XXYLT1: variants seen among roughly 807,000 people sequenced by gnomAD.
XXYLT1 encodes UDP-xylose:alpha-xyloside alpha-1,3-xylosyltransferase.
Under a neutral mutation model 28.9 loss-of-function variants are expected in XXYLT1, and 20 were observed. That is an observed-to-expected ratio of 0.69 (90% CI 0.49 to 1.00). The LOEUF (loss-of-function observed/expected upper bound fraction) is 1.00. Ranked by LOEUF, XXYLT1 falls within the 50% of genes least tolerant of loss-of-function variation. The pLI, the probability that XXYLT1 is intolerant of heterozygous loss-of-function variation, is 0.00. For missense variants in XXYLT1, 542 were observed against 560.1 expected (o/e 0.97, Z 0.33); for synonymous variants, 257 against 253.8 (o/e 1.01, Z -0.12).
intron 3 of XXYLT1, among the ~76,000 whole-genome samples, chr3:195,087,088 G>A (rs558995508): frequency 4.6e-5 from 7 of 152,294 alleles, no homozygotes; most frequent in African/African-American, 1.7e-4. Flanking sequence ...GCAGGCTGCG[G>A]GGAGCAGTAA....
intron 2 of XXYLT1, chr3:195,184,866 T>A: frequency 1.0e-6 from 1 of 963,422 alleles, no homozygotes; most frequent in African/African-American, 1.8e-5. Context: ...TAAAATGGTC[T>A]ACATTCAAAT....
chr3:195,222,642 T>TGA (rs1194689165), intron 2 of XXYLT1, among the ~76,000 whole-genome samples: 1 of 152,034 alleles, frequency 6.6e-6, no homozygotes, highest in Non-Finnish European at 1.5e-5. Context: ...GCTAGCTAGC[T>TGA]GAGAACAGGG....
At chr3:195,270,528 G>C (rs1725986980) in intron 1 of XXYLT1, 27 bp downstream of exon 1, 2 of 1,362,002 alleles carry the variant, frequency 1.5e-6, no homozygotes, top group Non-Finnish European at 9.4e-7. Context: ...GCCACCCACC[G>C]GGAGCCCCCA....
chr3:195,182,409 T>C (rs1721996539), intron 2 of XXYLT1, among the ~76,000 whole-genome samples: 1 of 152,230 alleles, frequency 6.6e-6, no homozygotes, highest in Non-Finnish European at 1.5e-5. Flanking sequence ...GCTTTTACTA[T>C]ACAAGAGACT....
At chr3:195,242,229 C>T (rs915764908) in intron 1 of XXYLT1, among the ~76,000 whole-genome samples, 4 of 152,234 alleles carry the variant, frequency 2.6e-5, no homozygotes, top group African/African-American at 9.6e-5. Context: ...CTCCCCCGGG[C>T]ATGTCATGTG....
chr3:195,098,490 T>G (rs1716581557), intron 3 of XXYLT1, among the ~76,000 whole-genome samples: 1 of 152,166 alleles, frequency 6.6e-6, no homozygotes, highest in African/African-American at 2.4e-5. Flanking sequence ...GAGGCGGAGC[T>G]TGCAGTGAGC....
intron 1 of XXYLT1, among the ~76,000 whole-genome samples, chr3:195,230,094 A>G (rs1724234880): frequency 6.6e-6 from 1 of 152,200 alleles, no homozygotes; most frequent in African/African-American, 2.4e-5. Flanking sequence ...GTGAGATGAT[A>G]TCTCATTGTA....
intron 3 of XXYLT1, among the ~76,000 whole-genome samples, chr3:195,109,393 CATGTAT>C (rs1717332495): frequency 2.6e-5 from 4 of 151,172 alleles, no homozygotes; most frequent in African/African-American, 7.3e-5. Flanking sequence ...TATAAGTGTG[CATGTAT>C]GTGTGCATGT....
chr3:195,156,048 C>T (rs1720572533), intron 3 of XXYLT1, among the ~76,000 whole-genome samples: 2 of 152,190 alleles, frequency 1.3e-5, no homozygotes, highest in Non-Finnish European at 2.9e-5. Flanking sequence ...ACAAGACCAC[C>T]AATCCACCCA....
chr3:195,166,523 G>T (rs1368910459), intron 2 of XXYLT1, among the ~76,000 whole-genome samples: 3 of 152,154 alleles, frequency 2.0e-5, no homozygotes, highest in Middle Eastern at 3.2e-3. Flanking sequence ...TTCATCCACA[G>T]TCCCATTCAA....
At chr3:195,118,221 G>A (rs555340836) in intron 3 of XXYLT1, among the ~76,000 whole-genome samples, 37 of 152,320 alleles carry the variant, frequency 2.4e-4, no homozygotes, top group Non-Finnish European at 4.3e-4. Context: ...CAGGGATTTT[G>A]ATAAGATGCA....
intron 2 of XXYLT1, among the ~76,000 whole-genome samples, chr3:195,206,056 A>C: frequency 7.6e-6 from 1 of 130,948 alleles, no homozygotes; most frequent in Admixed American, 8.7e-5. Context: ...AGGGAGTCTC[A>C]CTCTGTCACC....
chr3:195,076,243 T>A lies in XXYLT1; in HGVS notation c.786-6132A>T, dbSNP rs1167127900. ...AAGTGAGAAAAGAGGTGACATCTGC[T>A]GAGCAGATGTGCACAGCTTTAATCA... is the stretch of plus-strand genomic sequence containing the variant. On this transcript the variant is annotated intron_variant, in intron 3 of 3. Transcript: ENST00000310380. The surrounding 1 kb of genome is among the most constrained non-coding windows in gnomAD (Gnocchi z 5.3). Among the ~76,000 whole-genome samples the A allele has an allele frequency of 6.6e-6, 1 of 152,146 alleles. No individual in the cohort carries two copies. The highest frequency in any genetic ancestry group is 1.5e-5 in the Non-Finnish European group (1 of 68,030).
chr3:195,115,092 G>A lies in XXYLT1; in HGVS notation c.785+41357C>T, dbSNP rs1431179059. ...CCTCCTCCTATTGAGAGGTTGGAAC[G>A]AGGGAAACTAAGCTTCCCAGATGCC... On this transcript the variant is annotated intron_variant, in intron 3 of 3. Coordinates refer to ENST00000310380, the MANE Select transcript of XXYLT1 (RefSeq NM_152531.5). This position sits in a 1 kb window ranked among gnomAD's most constrained non-coding sequence, Gnocchi z 4.2. Among the ~76,000 whole-genome samples the A allele has an allele frequency of 2.6e-5, 4 of 152,228 alleles. No individual in the cohort carries two copies. In the East Asian group the frequency reaches 5.8e-4, roughly 22 times the overall value.
rs753667251 is a variant in XXYLT1, at chr3:195,226,765, T to C, written c.596A>G (p.Tyr199Cys). 5 of 1,613,466 alleles carry C rather than the reference T, an allele frequency of 3.1e-6. No individual in the cohort carries two copies. The highest frequency in any genetic ancestry group is 4.2e-6 in the Non-Finnish European group (5 of 1,179,904). ...QKHFSAGLGT[Y>C]YSDSIFFLSV... ...GAGGAAGAAGATGGAGTCACTGTAG[T>C]AGGTTCCCAAGCCAGCACTGAAGTG... The change falls in exon 2 of 4, where the codon TAC becomes TGC. Residue 199 changes from tyrosine (Y) to cysteine (C), a missense_variant. Tyr to Cys is a radical substitution (Grantham distance 194). Transcript: ENST00000310380.
In XXYLT1 at chr3:195,176,649, G is replaced by A. The variant is rs1442228559; in HGVS notation, c.653-20068C>T. 6.6e-6 allele frequency among the ~76,000 whole-genome samples: 1 copy of A among 152,184 alleles called. No homozygotes were observed. The highest frequency in any genetic ancestry group is 1.5e-5 in the Non-Finnish European group (1 of 68,032). ...AGATACATTGATGTTGATGAGGCTG[G>A]AGAGCTGGAGGAAGCAAGACAGTAA... On this transcript the variant is annotated intron_variant, in intron 2 of 3. Coordinates refer to ENST00000310380, the MANE Select transcript of XXYLT1 (RefSeq NM_152531.5). The surrounding 1 kb of genome is among the most constrained non-coding windows in gnomAD (Gnocchi z 4.9).
At chr3:195,201,020 A>T (rs1722828689) in intron 2 of XXYLT1, among the ~76,000 whole-genome samples, 1 of 152,060 alleles carries the variant, frequency 6.6e-6, no homozygotes, top group Non-Finnish European at 1.5e-5. Flanking sequence ...GGAGTCAAAA[A>T]TCTCTATTTT....
intron 2 of XXYLT1, among the ~76,000 whole-genome samples, chr3:195,222,898 G>C (rs1464408674): frequency 1.3e-5 from 2 of 152,076 alleles, no homozygotes; most frequent in African/African-American, 4.8e-5. Context: ...TGTTTAAAAA[G>C]CTACATGTTG....
intron 3 of XXYLT1, among the ~76,000 whole-genome samples, chr3:195,096,819 A>G (rs1716473353): frequency 6.6e-6 from 1 of 152,242 alleles, no homozygotes; most frequent in African/African-American, 2.4e-5. Flanking sequence ...AAAAATGAGA[A>G]TCTTGACTGA....
Sources: gnomAD v4.1 joint callset for allele counts (sites outside exome capture counted in the v4.1 genomes callset) on GRCh38, gnomAD v4.1.1 for gene constraint, Gnocchi (gnomAD v3.1) non-coding constraint, MANE v1.5 for transcripts, NCBI Gene and HGNC (gene_info 2026-07-23, HGNC 2026-07-21) for gene names.